Variants in GRID2 observed in about 807,000 individuals in gnomAD.
GRID2 encodes glutamate ionotropic receptor delta type subunit 2, also known as glutamate receptor ionotropic, delta-2.
In GRID2, 33 loss-of-function variants were observed where a neutral mutation model predicts 114.8. That is an observed-to-expected ratio of 0.29 (90% CI 0.22 to 0.38). GRID2 has a LOEUF of 0.38. GRID2 is among the 10% of genes least tolerant of loss of function. GRID2 has a pLI of 1.00. For missense variants in GRID2, 1,184 were observed against 1,257.7 expected, an observed-to-expected ratio of 0.94 and a Z score of 0.89; for synonymous variants, 505 against 449.9, an observed-to-expected ratio of 1.12 and a Z score of -1.55.
At chr4:92,781,912 A>G (rs1246431569) in intron 2 of GRID2, among the ~76,000 whole-genome samples, 1 of 152,128 alleles carries the variant, frequency 6.6e-6, no homozygotes. Flanking sequence ...AGTTTATTAT[A>G]AAACAAATGA....
At chr4:92,551,343 T>G (rs1726578130) in intron 1 of GRID2, among the ~76,000 whole-genome samples, 1 of 151,856 alleles carries the variant, frequency 6.6e-6, no homozygotes, top group Non-Finnish European at 1.5e-5. Flanking sequence ...TTTTAAGAAT[T>G]GAAACTTAGT....
chr4:93,689,825 A>G (rs574747509), intron 14 of GRID2, among the ~76,000 whole-genome samples: 1 of 152,232 alleles, frequency 6.6e-6, no homozygotes, highest in South Asian at 2.1e-4. Flanking sequence ...TTTCATTTAA[A>G]ATATTCAAAT....
At chr4:93,083,695 CAA>C (rs34205612) in intron 2 of GRID2, among the ~76,000 whole-genome samples, 1,294 of 75,656 alleles carry the variant, frequency 0.017, 6 homozygotes, top group Non-Finnish European at 0.025. Context: ...GACTCCATCT[CAA>C]AAAAAAAAAA....
intron 2 of GRID2, among the ~76,000 whole-genome samples, chr4:92,845,353 TA>T (rs1743232533): frequency 6.6e-6 from 1 of 152,100 alleles, no homozygotes; most frequent in Non-Finnish European, 1.5e-5. Context: ...GATATAGCAT[TA>T]AATTGAGTTT....
At chr4:93,622,740 A>G (rs1048579725) in intron 13 of GRID2, among the ~76,000 whole-genome samples, 1 of 152,208 alleles carries the variant, frequency 6.6e-6, no homozygotes, top group African/African-American at 2.4e-5. Context: ...ACTGGACTGA[A>G]GGTTTTAGGC....
intron 2 of GRID2, among the ~76,000 whole-genome samples, chr4:92,879,463 T>C (rs1745853190): frequency 6.6e-6 from 1 of 152,238 alleles, no homozygotes; most frequent in Non-Finnish European, 1.5e-5. Flanking sequence ...TCTCAATGTA[T>C]AGCCAGGTGG....
At chr4:93,759,305 A>C (rs1733014109) in intron 14 of GRID2, among the ~76,000 whole-genome samples, 1 of 152,180 alleles carries the variant, frequency 6.6e-6, no homozygotes, top group African/African-American at 2.4e-5. Context: ...ACTCTAACCT[A>C]GAGAGATCAA....
At chr4:92,617,501 C>CA (rs1051875072) in intron 2 of GRID2, among the ~76,000 whole-genome samples, 1 of 151,626 alleles carries the variant, frequency 6.6e-6, no homozygotes, top group Non-Finnish European at 1.5e-5. Context: ...GCTTATTTCA[C>CA]TTAATGTCCT....
intron 13 of GRID2, among the ~76,000 whole-genome samples, chr4:93,539,069 T>G (rs1732396245): frequency 6.6e-6 from 1 of 151,878 alleles, no homozygotes; most frequent in African/African-American, 2.4e-5. Context: ...GAATCTAAAG[T>G]TATTCCAGAA....
intron 2 of GRID2, among the ~76,000 whole-genome samples, chr4:92,956,163 C>T (rs1383937406): frequency 6.6e-6 from 1 of 152,022 alleles, no homozygotes; most frequent in African/African-American, 2.4e-5. Flanking sequence ...ATTAATATAC[C>T]ATCTGTCATT....
chr4:93,154,583 A>C (rs991632756), intron 4 of GRID2, among the ~76,000 whole-genome samples: 8 of 152,148 alleles, frequency 5.3e-5, no homozygotes, highest in Non-Finnish European at 1.0e-4. Flanking sequence ...ATGTACAGTA[A>C]GTAAGACATA....
At chr4:93,048,579 C>T (rs887799604) in intron 2 of GRID2, among the ~76,000 whole-genome samples, 1 of 151,966 alleles carries the variant, frequency 6.6e-6, no homozygotes. Context: ...GCTTCCTTCG[C>T]CCCAAACCCC....
chr4:92,347,135 A>G (rs1217169988), intron 1 of GRID2, among the ~76,000 whole-genome samples: 1 of 152,230 alleles, frequency 6.6e-6, no homozygotes, highest in Non-Finnish European at 1.5e-5. Context: ...GTTTCTGAGG[A>G]GCAACTGATT....
chr4:92,375,830 G>A (rs1729329584), intron 1 of GRID2, among the ~76,000 whole-genome samples: 1 of 152,130 alleles, frequency 6.6e-6, no homozygotes, highest in Non-Finnish European at 1.5e-5. Context: ...AAAAATGCCT[G>A]ATGAATATGC....
At chr4:93,199,421 G>A (rs909724772) in intron 4 of GRID2, among the ~76,000 whole-genome samples, 1 of 152,202 alleles carries the variant, frequency 6.6e-6, no homozygotes, top group Non-Finnish European at 1.5e-5. Context: ...AAGAAGCAGA[G>A]CAGGTAGCAC....
At position 93,671,932 on chromosome 4, in the gene GRID2, G is replaced by A. The variant is rs193283156; in HGVS notation, c.2360+45497G>A. Among the ~76,000 whole-genome samples the A allele has an allele frequency of 5.9e-5, 9 of 152,110 alleles. No individual in the cohort carries two copies. In the East Asian group the frequency reaches 1.4e-3, roughly 23 times the overall value. ...AGAGGTTGCAGTGAGCCAACATCCC[G>A]CCACTGCACTCCAGCCTGGGTGACA... On this transcript the variant is annotated intron_variant, in intron 14 of 15. Transcript: ENST00000282020.
intron 1 of GRID2, among the ~76,000 whole-genome samples, chr4:92,365,872 C>T (rs1357222307): frequency 6.6e-6 from 1 of 151,988 alleles, no homozygotes; most frequent in Non-Finnish European, 1.5e-5. Context: ...CACTTCTCTG[C>T]CACTCACTGG....
chr4:93,350,767 C>G (rs191316509), intron 8 of GRID2, among the ~76,000 whole-genome samples: 1 of 151,938 alleles, frequency 6.6e-6, no homozygotes, highest in Non-Finnish European at 1.5e-5. Context: ...AACCAGACAC[C>G]AAATCCCAGT....
intron 4 of GRID2, among the ~76,000 whole-genome samples, chr4:93,129,202 A>G (rs182062168): frequency 7.3e-4 from 111 of 152,352 alleles, no homozygotes; most frequent in African/African-American, 2.6e-3. Flanking sequence ...TTTAGCAATT[A>G]GTACATCTAC....
Sources: gnomAD v4.1 joint callset for allele counts (sites outside exome capture counted in the v4.1 genomes callset) on GRCh38, gnomAD v4.1.1 for gene constraint, MANE v1.5 for transcripts, NCBI Gene and HGNC (gene_info 2026-07-23, HGNC 2026-07-21) for gene names.